The following RBFOX3 variants were observed in gnomAD, a reference collection of about 807,000 sequenced individuals.
RBFOX3 encodes the protein RNA binding fox-1 homolog 3.
Under a neutral mutation model 48.7 loss-of-function variants are expected in RBFOX3, and 17 were observed. The ratio of observed to expected loss-of-function variants is 0.35; its 90% CI spans 0.24 to 0.52. The LOEUF (loss-of-function observed/expected upper bound fraction) is 0.52. Among genes scored for constraint, RBFOX3 ranks in the 20% least tolerant of loss-of-function variants. The pLI, the probability that RBFOX3 is intolerant of heterozygous loss-of-function variation, is 0.94. For synonymous variants in RBFOX3, 212 were observed against 209.5 expected (o/e 1.01, Z -0.10); for missense variants, 382 against 497.5 (o/e 0.77, Z 2.21).
chr17:79,177,213 C>CT (rs1442399987), intron 4 of RBFOX3, among the ~76,000 whole-genome samples: 2 of 152,114 alleles, frequency 1.3e-5, no homozygotes, highest in African/African-American at 4.8e-5. Context: ...CTCCTCTCCC[C>CT]CCCCGCCCTC....
At chr17:79,604,878 G>A (rs1044022220) in intron 1 of RBFOX3, among the ~76,000 whole-genome samples, 1 of 152,144 alleles carries the variant, frequency 6.6e-6, no homozygotes, top group Non-Finnish European at 1.5e-5. Context: ...AAAAGCAAAC[G>A]ATCCGGAGAC....
intron 2 of RBFOX3, among the ~76,000 whole-genome samples, chr17:79,431,522 G>T (rs1201242232): frequency 1.7e-5 from 2 of 119,390 alleles, no homozygotes; most frequent in Non-Finnish European, 3.2e-5. Context: ...TTCTCACTCT[G>T]TCATCAAGCT....
chr17:79,140,129 T>C (rs2041623921), intron 4 of RBFOX3, among the ~76,000 whole-genome samples: 1 of 152,248 alleles, frequency 6.6e-6, no homozygotes, highest in South Asian at 2.1e-4. Flanking sequence ...GCCTCGCATG[T>C]CATTGACCAG....
At chr17:79,125,994 C>T (rs1300544439) in intron 4 of RBFOX3, among the ~76,000 whole-genome samples, 1 of 152,226 alleles carries the variant, frequency 6.6e-6, no homozygotes, top group Non-Finnish European at 1.5e-5. Flanking sequence ...ATAGCCACTA[C>T]CACCCCCTGC....
chr17:79,635,958 G>C, the RBFOX3 span, among the ~76,000 whole-genome samples: 20 of 152,284 alleles, frequency 1.3e-4, no homozygotes, highest in African/African-American at 4.8e-4. Flanking sequence ...ATACATGGTA[G>C]GTAAGTCTAT....
In RBFOX3 at chr17:79,167,116, C is replaced by T. The variant is rs374763498; in HGVS notation, c.-33-51368G>A. 1.7e-4 allele frequency among the ~76,000 whole-genome samples: 26 copies of T among 152,302 alleles called. 1 individual carries two copies. The highest frequency in any genetic ancestry group is 6.0e-4 in the African/African-American group (25 of 41,584). On this transcript the variant is annotated intron_variant, in intron 4 of 14. Transcript: ENST00000693108. The stretch of plus-strand genomic sequence containing the variant: ...GGCAACCTTCTCAGCTACTCTGGGC[C>T]GCAGTTCTTCTCTTCTGTGAAATGG...
intron 4 of RBFOX3, among the ~76,000 whole-genome samples, chr17:79,224,494 G>A (rs544443603): frequency 1.2e-4 from 18 of 152,136 alleles, no homozygotes; most frequent in Non-Finnish European, 1.9e-4. Flanking sequence ...TCTTTACCCC[G>A]TCTTGTCCAC....
intron 2 of RBFOX3, among the ~76,000 whole-genome samples, chr17:79,376,349 C>A (rs2147797206): frequency 6.6e-6 from 1 of 152,232 alleles, no homozygotes; most frequent in East Asian, 1.9e-4. Context: ...TCATGGGTCA[C>A]AAGCAAAGAG....
intron 1 of RBFOX3, among the ~76,000 whole-genome samples, chr17:79,512,041 A>G (rs2084359539): frequency 9.0e-6 from 1 of 111,254 alleles, no homozygotes; most frequent in African/African-American, 3.5e-5. Context: ...GTTACCATCG[A>G]GTACAGTCCT....
chr17:79,349,683 C>T (rs921186829), intron 2 of RBFOX3, among the ~76,000 whole-genome samples: 1 of 152,136 alleles, frequency 6.6e-6, no homozygotes, highest in African/African-American at 2.4e-5. Context: ...ATTTCCTTTC[C>T]CCCTGTATCC....
intron 4 of RBFOX3, among the ~76,000 whole-genome samples, chr17:79,188,981 C>T (rs753058484): frequency 2.8e-4 from 43 of 152,192 alleles, no homozygotes; most frequent in African/African-American, 8.0e-4. Flanking sequence ...GCCAAGCCAC[C>T]GTTTGGCAAA....
chr17:79,598,979 T>C (rs2093638539), intron 1 of RBFOX3: 1 of 152,114 alleles, frequency 6.6e-6, no homozygotes, highest in South Asian at 2.1e-4. Context: ...CTTGAGCCAG[T>C]GTGGCCCCTC....
intron 4 of RBFOX3, among the ~76,000 whole-genome samples, chr17:79,191,840 AAGG>A (rs972909056): frequency 2.3e-4 from 35 of 152,256 alleles, no homozygotes; most frequent in African/African-American, 6.3e-4. Context: ...CTTTGAGAGC[AAGG>A]AGAAGGCAGG....
chr17:79,536,270 G>A (rs1383341647), intron 1 of RBFOX3, among the ~76,000 whole-genome samples: 2 of 152,214 alleles, frequency 1.3e-5, no homozygotes, highest in African/African-American at 4.8e-5. Flanking sequence ...TGGAGACAGG[G>A]TTTCACCATG....
At chr17:79,229,262 A>G (rs2060707148) in intron 4 of RBFOX3, among the ~76,000 whole-genome samples, 1 of 117,646 alleles carries the variant, frequency 8.5e-6, no homozygotes, top group Admixed American at 8.6e-5. Context: ...AAAAAAAAAA[A>G]AAAAAGGGAC....
intron 4 of RBFOX3, among the ~76,000 whole-genome samples, chr17:79,160,480 T>C (rs1239894310): frequency 1.3e-5 from 2 of 152,194 alleles, no homozygotes; most frequent in Non-Finnish European, 2.9e-5. Flanking sequence ...GTCCCCCGTA[T>C]GTGGGGCGGT....
At chr17:79,552,396 C>T (rs976847413) in intron 1 of RBFOX3, among the ~76,000 whole-genome samples, 16 of 152,126 alleles carry the variant, frequency 1.1e-4, no homozygotes, top group Admixed American at 6.5e-4. Flanking sequence ...TCATGGCCCC[C>T]ACTCTTCACA....
At chr17:79,442,303 GGGAGAGAGAGGGAGTGAGGGAGGGA>G (rs1555735447) in intron 2 of RBFOX3, among the ~76,000 whole-genome samples, 233 of 22,606 alleles carry the variant, frequency 0.01, no homozygotes, top group South Asian at 0.015. Flanking sequence ...GGGAGAGAGA[GGGAGAGAGAGGGAGTGAGGGAGGGA>G]GAGAGAGGGA....
At chr17:79,148,067 T>A in intron 4 of RBFOX3, among the ~76,000 whole-genome samples, 1 of 152,098 alleles carries the variant, frequency 6.6e-6, no homozygotes, top group East Asian at 1.9e-4. Flanking sequence ...GACCAAGATT[T>A]CCTCACCGTG....
Sources: gnomAD v4.1 joint callset for allele counts (sites outside exome capture counted in the v4.1 genomes callset) on GRCh38, gnomAD v4.1.1 for gene constraint, MANE v1.5 for transcripts, NCBI Gene and HGNC (gene_info 2026-07-23, HGNC 2026-07-21) for gene names.